Variants in SULF2 observed in about 807,000 individuals in gnomAD.
SULF2 encodes sulfatase 2.
A neutral mutation model predicts 107.7 loss-of-function variants in SULF2; 52 were observed. The observed-to-expected ratio is 0.48, with a 90% CI of 0.39 to 0.61. SULF2 has a LOEUF of 0.61. Ranked by LOEUF, SULF2 falls within the 20% of genes least tolerant of loss-of-function variation. SULF2 has a pLI of 0.00. For synonymous variants in SULF2, 460 were observed against 464.3 expected (o/e 0.99, Z 0.12); for missense variants, 993 against 1,177.3 (o/e 0.84, Z 2.29).
Position 47,757,444 on chromosome 20 carries a change from G to A in SULF2, c.-81C>T, listed in dbSNP as rs994063269. ...TCTGTGGCTTTGTTTCTTTTCCCTC[G>A]TCCCTCTTCACTCGCAGATCTAGAG... On this transcript the variant is annotated 5_prime_UTR_variant, in exon 2 of 21. It adds an upstream start codon to the 5' untranslated region. Coordinates refer to ENST00000688720, the MANE Select transcript of SULF2 (RefSeq NM_001387048.1). The A allele has an allele frequency of 1.0e-4, 145 of 1,438,560 alleles. No individual in the cohort carries two copies. Among genetic ancestry groups the A allele is most frequent in the Non-Finnish European group, 1.2e-4 (126 of 1,072,962 alleles). The allele number at this position is 1,438,560 out of a possible 1,614,324, so 89.1% of individuals were successfully genotyped here. A position where few individuals can be genotyped will look rare whatever the true frequency, so the allele number is the denominator to read the frequency against.
chr20:47,677,400 C>CTGTG (rs58936261), intron 8 of SULF2, among the ~76,000 whole-genome samples: 28,082 of 143,828 alleles, frequency 0.2, 2,985 homozygotes, highest in Admixed American at 0.29. Context: ...ACCCAAGTAA[C>CTGTG]TGTGTGTGTG....
intron 10 of SULF2, chr20:47,672,708 A>C (rs73131846): frequency 0.12 from 25,839 of 220,300 alleles, 1,789 homozygotes; most frequent in East Asian, 0.19. Context: ...GGATCATATT[A>C]CTCTCCTACT....
At position 47,672,348 on chromosome 20, in the gene SULF2, T is replaced by C. The variant is rs771781210; in HGVS notation, c.1426A>G (p.Lys476Glu). ...CCCAGCCGCATGGGGCCCTTGCACTTATGCAGCTTCAGCTTCCCCGTGGCG... is the reference window on the plus strand; with the variant it reads ...CCCAGCCGCATGGGGCCCTTGCACTCATGCAGCTTCAGCTTCCCCGTGGCG... ...EDATGKLKLHKCKGPMRLGGS... is the reference protein window; with the variant it reads ...EDATGKLKLHECKGPMRLGGS... Residue 476 changes from lysine (K) to glutamate (E), a missense_variant, in exon 11 of 21, where the codon AAG becomes GAG. Transcript: ENST00000688720. The C allele has an allele frequency of 6.2e-7, 1 of 1,613,046 alleles. No individual in the cohort carries two copies. The highest frequency in any genetic ancestry group is 1.1e-5 in the South Asian group (1 of 91,080).
chr20:47,663,261 C>T (rs747733356), intron 16 of SULF2, 49 bp from the exon 17 acceptor site: 3 of 1,609,478 alleles, frequency 1.9e-6, no homozygotes, highest in South Asian at 1.1e-5. Flanking sequence ...GAGGAGGCCC[C>T]ATCTGCCAAC....
intron 1 of SULF2, among the ~76,000 whole-genome samples, chr20:47,780,753 C>T (rs1261267058): frequency 6.6e-6 from 1 of 152,088 alleles, no homozygotes; most frequent in Non-Finnish European, 1.5e-5. Context: ...AGGGTTTTGC[C>T]ATGTTGGCCA....
At position 47,705,549 on chromosome 20, in the gene SULF2, C is replaced by T. The variant is rs148882031; in HGVS notation, c.416-2879G>A. ...CTGGGACCTGGAATGTTGGAGATGC[C>T]TCAATGCATCCAGCTCCTCAAAGCA... On this transcript the variant is annotated intron_variant, in intron 3 of 20. Transcript: ENST00000688720. 1.2e-3 allele frequency among the ~76,000 whole-genome samples: 176 copies of T among 152,270 alleles called. 2 individuals are homozygous for T. The East Asian group carries it at 0.028, about 24-fold the overall frequency.
At chr20:47,661,679 T>C (rs978488371) in intron 18 of SULF2, 94 bp downstream of exon 18, 4 of 1,294,370 alleles carry the variant, frequency 3.1e-6, no homozygotes, top group African/African-American at 1.5e-5. Context: ...AGCCTGGTGA[T>C]TTCAGGCTCA....
Position 47,733,482 on chromosome 20 carries a change from C to T in SULF2, c.415+3221G>A, listed in dbSNP as rs547219937. Among the ~76,000 whole-genome samples, 5 of 152,230 alleles carry T rather than the reference C, an allele frequency of 3.3e-5. No homozygotes were observed. The East Asian group carries it at 9.7e-4, about 29-fold the overall frequency. On this transcript the variant is annotated intron_variant, in intron 3 of 20. Transcript: ENST00000688720. ...TTTGTTAAATATCATTAGATGCAACCTAACAGAGGGCCGGGTGCGTTGGCT... is the reference window on the plus strand; with the variant it reads ...TTTGTTAAATATCATTAGATGCAACTTAACAGAGGGCCGGGTGCGTTGGCT...
At chr20:47,682,372 A>G (rs1316702121) in intron 7 of SULF2, among the ~76,000 whole-genome samples, 2 of 152,206 alleles carry the variant, frequency 1.3e-5, no homozygotes, top group African/African-American at 2.4e-5. Flanking sequence ...ACCTCATTTG[A>G]GCCAGCCTCC....
Position 47,658,044 on chromosome 20 carries a change from C to T in SULF2, c.*318G>A, listed in dbSNP as rs1010415095. 21 of 382,652 alleles carry T rather than the reference C, an allele frequency of 5.5e-5. No homozygotes were observed. Among genetic ancestry groups the T allele is most frequent in the Middle Eastern group, 1.5e-3 (2 of 1,374 alleles). 23.7% of individuals were successfully genotyped at this position (382,652 alleles called of 1,614,324 possible). ...GAGAAATTTCCAAGGAAATCTCTCT[C>T]GCTCGCTCTCTCCGTTTTCCTTTGT... is the stretch of plus-strand genomic sequence containing the variant. On this transcript the variant is annotated 3_prime_UTR_variant, in exon 21 of 21. Transcript: ENST00000688720.
rs370572632 is a variant in SULF2, at chr20:47,662,932, T to C, written c.2370+138A>G. 81 of 960,632 alleles carry C rather than the reference T, an allele frequency of 8.4e-5. 1 individual carries two copies. In the East Asian group the frequency reaches 9.1e-4, roughly 11 times the overall value. 59.5% of individuals were successfully genotyped at this position (960,632 alleles called of 1,614,324 possible). On this transcript the variant is annotated intron_variant, in intron 17 of 20. Transcript: ENST00000688720. ...CACAGAACCCCCAATCTCAGCAGCT[T>C]CACAACTTACTCCCACCGGCTCAGG...
intron 11 of SULF2, among the ~76,000 whole-genome samples, chr20:47,667,834 G>A (rs921959682): frequency 1.3e-5 from 2 of 152,190 alleles, no homozygotes; most frequent in Admixed American, 6.5e-5. Flanking sequence ...GGAAGGCAGT[G>A]GAAGGAGGGA....
chr20:47,689,828 A>G (rs547441551), intron 5 of SULF2: 9 of 263,696 alleles, frequency 3.4e-5, no homozygotes, highest in African/African-American at 2.0e-4. Context: ...GATGTCTTAA[A>G]TAAAATACAC....
chr20:47,781,481 C>T (rs1387704474), intron 1 of SULF2, among the ~76,000 whole-genome samples: 8 of 152,116 alleles, frequency 5.3e-5, no homozygotes, highest in Non-Finnish European at 1.5e-5. Flanking sequence ...CTGGTTTGGA[C>T]AAAAAACAGT....
chr20:47,756,419 G>A (rs1296470692), intron 2 of SULF2, among the ~76,000 whole-genome samples: 6 of 152,138 alleles, frequency 3.9e-5, no homozygotes, highest in Non-Finnish European at 5.9e-5. Flanking sequence ...AGCATTGCAA[G>A]GAACAACTTG....
intron 10 of SULF2, among the ~76,000 whole-genome samples, chr20:47,674,980 C>CA (rs1180120418): frequency 6.6e-6 from 1 of 152,182 alleles, no homozygotes. Flanking sequence ...CTAAGTGCCC[C>CA]AAACTCCGCC....
intron 3 of SULF2, among the ~76,000 whole-genome samples, chr20:47,726,171 C>T (rs2089437795): frequency 1.3e-5 from 2 of 152,218 alleles, no homozygotes; most frequent in South Asian, 4.1e-4. Context: ...GTGTGTCACT[C>T]CCCACTCCCA....
In SULF2 at chr20:47,710,281, T is replaced by TTGACCTCA. The variant is rs1289759037; in HGVS notation, c.416-7612_416-7611insTGAGGTCA. Reference sequence around the variant, plus strand: ...TGGAACTCCTGGGCTCAAGTGATCCTCCCGCCTTGGCCTCCCAAGGTGCTG... The same window carrying TTGACCTCA: ...TGGAACTCCTGGGCTCAAGTGATCCTTGACCTCACCCGCCTTGGCCTCCCAAGGTGCTG... On this transcript the variant is annotated intron_variant, in intron 3 of 20. Transcript: ENST00000688720. Among the ~76,000 whole-genome samples the TTGACCTCA allele has an allele frequency of 1.5e-3, 222 of 148,954 alleles. 2 individuals are homozygous for TTGACCTCA. The highest frequency in any genetic ancestry group is 2.3e-3 in the Non-Finnish European group (156 of 67,988).
intron 11 of SULF2, among the ~76,000 whole-genome samples, chr20:47,668,789 G>A (rs887527804): frequency 2.6e-5 from 4 of 152,116 alleles, no homozygotes; most frequent in African/African-American, 7.2e-5. Flanking sequence ...GCCTCTCCAC[G>A]CCGGTGACCG....
Sources: allele counts gnomAD v4.1 joint callset (sites outside exome capture counted in the v4.1 genomes callset), GRCh38; gene constraint gnomAD v4.1.1; transcripts MANE v1.5; gene names NCBI Gene and HGNC (gene_info 2026-07-23, HGNC 2026-07-21).